HTR4: variants seen among roughly 807,000 people sequenced by gnomAD.
HTR4 encodes 5-hydroxytryptamine (serotonin) receptor 4, G protein-coupled.
HTR4 carries 16 observed loss-of-function variants against 36.8 expected under a neutral mutation model. The ratio of observed to expected loss-of-function variants is 0.43; its 90% CI spans 0.29 to 0.66. The LOEUF is 0.66. Ranked by LOEUF, HTR4 falls within the 30% of genes least tolerant of loss-of-function variation. The probability of loss-of-function intolerance (pLI) is 0.13; values close to 1 mark genes in which losing one functional copy is unlikely to be tolerated. For missense variants in HTR4, 438 were observed against 490.9 expected (o/e 0.89, Z 1.02); for synonymous variants, 189 against 185.1 (o/e 1.02, Z -0.17).
downstream of HTR4, among the ~76,000 whole-genome samples, chr5:148,472,308 T>C (rs1326087149): frequency 6.6e-6 from 1 of 152,242 alleles, no homozygotes; most frequent in Non-Finnish European, 1.5e-5. Flanking sequence ...TTAAAGTTTG[T>C]TTAAATGAAA....
downstream of HTR4, among the ~76,000 whole-genome samples, chr5:148,475,014 C>A (rs1755661923): frequency 6.6e-6 from 1 of 151,294 alleles, no homozygotes; most frequent in Non-Finnish European, 1.5e-5. Context: ...CACTGCACTC[C>A]AGCCTGGATG....
chr5:148,555,946 T>TCTCA (rs142103382), intron 2 of HTR4, among the ~76,000 whole-genome samples: 7 of 149,850 alleles, frequency 4.7e-5, no homozygotes, highest in African/African-American at 1.7e-4. Context: ...TTATACTTTG[T>TCTCA]CACACACACA....
At chr5:148,589,428 CATT>C (rs1374645609) in intron 2 of HTR4, among the ~76,000 whole-genome samples, 2 of 152,168 alleles carry the variant, frequency 1.3e-5, no homozygotes, top group African/African-American at 4.8e-5. Flanking sequence ...AATGGCATCT[CATT>C]GTGCTAGCAT....
At chr5:148,570,950 A>G (rs777085373) in intron 2 of HTR4, among the ~76,000 whole-genome samples, 1 of 152,026 alleles carries the variant, frequency 6.6e-6, no homozygotes, top group Non-Finnish European at 1.5e-5. Context: ...TGGAAGTGGC[A>G]CCATCTCCTA....
intron 2 of HTR4, among the ~76,000 whole-genome samples, chr5:148,625,313 T>A (rs1404295128): frequency 6.6e-6 from 1 of 152,190 alleles, no homozygotes; most frequent in Non-Finnish European, 1.5e-5. Flanking sequence ...AAAACACTGC[T>A]AAAATTAAGC....
intron 2 of HTR4, among the ~76,000 whole-genome samples, chr5:148,577,005 G>C (rs1241345744): frequency 6.6e-6 from 1 of 151,784 alleles, no homozygotes; most frequent in Non-Finnish European, 1.5e-5. Flanking sequence ...GCACAACAAT[G>C]ACAAAAAACT....
At chr5:148,522,329 G>A (rs1758061888) in intron 5 of HTR4, among the ~76,000 whole-genome samples, 2 of 152,134 alleles carry the variant, frequency 1.3e-5, no homozygotes. Context: ...AAGACCTTTT[G>A]GGGCAAATGA....
chr5:148,596,690 G>T (rs1355968552), intron 2 of HTR4, among the ~76,000 whole-genome samples: 1 of 150,956 alleles, frequency 6.6e-6, no homozygotes, highest in Admixed American at 6.6e-5. Flanking sequence ...GAGGGAGGGG[G>T]GTGGGAGGTG....
At position 148,498,970 on chromosome 5, in the gene HTR4, A is replaced by T. The variant is rs186900907; in HGVS notation, c.1076+10486T>A. ...AAATATGAACAAAATGGTAGAGTTG[A>T]TAGATTAAAAAATGACTCATCAACT... is the stretch of plus-strand genomic sequence containing the variant. On this transcript the variant is annotated intron_variant, in intron 6 of 6. Coordinates refer to ENST00000377888, the MANE Select transcript of HTR4 (RefSeq NM_000870.7). 5.5e-4 allele frequency among the ~76,000 whole-genome samples: 84 copies of T among 152,324 alleles called. No individual in the cohort carries two copies. In the East Asian group the frequency reaches 0.015, roughly 28 times the overall value.
chr5:148,528,759 C>T (rs1029026560), intron 4 of HTR4, among the ~76,000 whole-genome samples: 4 of 151,972 alleles, frequency 2.6e-5, no homozygotes, highest in African/African-American at 9.7e-5. Flanking sequence ...TGAACTATTC[C>T]TGCAACACAT....
intron 1 of HTR4, among the ~76,000 whole-genome samples, chr5:148,641,674 T>C (rs1477000257): frequency 6.6e-6 from 1 of 152,224 alleles, no homozygotes; most frequent in Non-Finnish European, 1.5e-5. Flanking sequence ...AATCTGATTT[T>C]TCCTTATAAG....
intron 4 of HTR4, among the ~76,000 whole-genome samples, chr5:148,540,048 TAAC>T (rs1385035023): frequency 6.6e-6 from 1 of 151,750 alleles, no homozygotes. Context: ...CCATGAAAAA[TAAC>T]AAAATCATGT....
Position 148,550,345 on chromosome 5 carries a change from C to T in HTR4, c.27-83G>A. ...AATTCGTCTTTTCATCATTGACCTTCAGAAAGGTAACTTCACCATCAGCTG... is the reference window on the plus strand; with the variant it reads ...AATTCGTCTTTTCATCATTGACCTTTAGAAAGGTAACTTCACCATCAGCTG... On this transcript the variant is annotated intron_variant, in intron 2 of 6. Transcript: ENST00000377888. 3 of 1,521,408 alleles carry T rather than the reference C, an allele frequency of 2.0e-6. No individual in the cohort carries two copies. In the Middle Eastern group the frequency reaches 5.1e-4, roughly 260 times the overall value. The allele number at this position is 1,521,408 out of a possible 1,614,324, so 94.2% of individuals were successfully genotyped here.
intron 5 of HTR4, among the ~76,000 whole-genome samples, chr5:148,462,490 C>T (rs1755301103): frequency 6.6e-6 from 1 of 151,770 alleles, no homozygotes; most frequent in African/African-American, 2.4e-5. Flanking sequence ...TATGAATAAG[C>T]TTATATATAT....
chr5:148,555,256 T>C (rs548878392), intron 2 of HTR4, among the ~76,000 whole-genome samples: 1 of 152,136 alleles, frequency 6.6e-6, no homozygotes, highest in Non-Finnish European at 1.5e-5. Context: ...ATCTTTCTTA[T>C]ACTGTCTTTA....
chr5:148,597,205 A>T (rs775171206), intron 2 of HTR4, among the ~76,000 whole-genome samples: 4 of 152,168 alleles, frequency 2.6e-5, no homozygotes, highest in Non-Finnish European at 5.9e-5. Context: ...GTTATTATTC[A>T]TGGCCCCATT....
chr5:148,460,859 C>T (rs1755260116), intron 5 of HTR4, among the ~76,000 whole-genome samples: 1 of 151,992 alleles, frequency 6.6e-6, no homozygotes, highest in Non-Finnish European at 1.5e-5. Flanking sequence ...GAGTTACATC[C>T]TGATAAATCC....
intron 4 of HTR4, among the ~76,000 whole-genome samples, chr5:148,543,092 T>C (rs1167374135): frequency 6.6e-6 from 1 of 152,224 alleles, no homozygotes; most frequent in Non-Finnish European, 1.5e-5. Flanking sequence ...CTTAGGTTTC[T>C]CTTCCTATGG....
intron 6 of HTR4, among the ~76,000 whole-genome samples, chr5:148,494,565 A>G (rs1451846091): frequency 6.6e-6 from 1 of 152,184 alleles, no homozygotes; most frequent in Non-Finnish European, 1.5e-5. Context: ...CGTACATGGA[A>G]ATGTTAAAGA....
Sources: allele counts gnomAD v4.1 joint callset (sites outside exome capture counted in the v4.1 genomes callset), GRCh38; gene constraint gnomAD v4.1.1; transcripts MANE v1.5; gene names NCBI Gene and HGNC (gene_info 2026-07-23, HGNC 2026-07-21).